The following CDH13 variants were observed in gnomAD, a reference collection of about 807,000 sequenced individuals.
CDH13 encodes cadherin 13.
In CDH13, 24 loss-of-function variants were observed where a neutral mutation model predicts 63.8. The ratio of observed to expected loss-of-function variants is 0.38; its 90% CI spans 0.27 to 0.53. The LOEUF (loss-of-function observed/expected upper bound fraction) is 0.53, where lower values mean the gene tolerates loss of function less well. CDH13 is among the 20% of genes least tolerant of loss of function. The probability of loss-of-function intolerance (pLI) is 0.85; values close to 1 mark genes in which losing one functional copy is unlikely to be tolerated. For synonymous variants in CDH13, 503 were observed against 355.3 expected (o/e 1.42, Z -4.67); for missense variants, 1,049 against 903.1 (o/e 1.16, Z -2.07).
rs1186229907 is a variant in CDH13, at chr16:82,782,968, GA to G, written c.46-75393del. ...CCCAAACAAGAACATAGACTTTGTG[GA>G]GCTTTCCCAGGTGCTGTGAACCCAG... On this transcript the variant is annotated intron_variant, in intron 1 of 13. Transcript: ENST00000567109. Among the ~76,000 whole-genome samples the G allele has an allele frequency of 3.5e-4, 53 of 152,294 alleles. No individual in the cohort carries two copies. The East Asian group carries it at 9.9e-3, about 28-fold the overall frequency.
At chr16:82,960,265 G>A (rs1288718967) in intron 2 of CDH13, among the ~76,000 whole-genome samples, 3 of 152,180 alleles carry the variant, frequency 2.0e-5, no homozygotes, top group Non-Finnish European at 2.9e-5. Flanking sequence ...ATTGACAGTT[G>A]CTGCAGAATT....
intron 6 of CDH13, among the ~76,000 whole-genome samples, chr16:83,422,594 C>T (rs1013671600): frequency 6.6e-6 from 1 of 152,124 alleles, no homozygotes; most frequent in African/African-American, 2.4e-5. Context: ...AATTGCAGTT[C>T]TTGAGGTCTG....
intron 2 of CDH13, among the ~76,000 whole-genome samples, chr16:83,016,026 G>T (rs547310489): frequency 6.6e-6 from 1 of 151,978 alleles, no homozygotes; most frequent in Non-Finnish European, 1.5e-5. Context: ...AGAAATCACA[G>T]AAAAATGAGA....
Position 83,309,534 on chromosome 16 carries a change from G to A in CDH13, c.637-35328G>A, listed in dbSNP as rs553798471. On this transcript the variant is annotated intron_variant, in intron 5 of 13. Transcript: ENST00000567109. ...TGGGATTACAGGCGAGTGCCGCCACGCCCAGCTCATTTTTGTATTTTTAGT... is the reference window on the plus strand; with the variant it reads ...TGGGATTACAGGCGAGTGCCGCCACACCCAGCTCATTTTTGTATTTTTAGT... 3.3e-5 allele frequency among the ~76,000 whole-genome samples: 5 copies of A among 152,280 alleles called. No individual in the cohort carries two copies. The East Asian group carries it at 5.8e-4, about 18-fold the overall frequency.
At chr16:83,104,400 A>G (rs1304133035) in intron 3 of CDH13, among the ~76,000 whole-genome samples, 2 of 152,200 alleles carry the variant, frequency 1.3e-5, no homozygotes, top group African/African-American at 4.8e-5. Context: ...AGGCTCTGTA[A>G]TGCGACAAAA....
intron 6 of CDH13, among the ~76,000 whole-genome samples, chr16:83,478,268 G>A (rs946352907): frequency 3.3e-5 from 5 of 151,882 alleles, no homozygotes; most frequent in East Asian, 1.9e-4. Context: ...GGAGGCACAC[G>A]CTCCAGTTTG....
At chr16:83,393,401 G>A (rs1405849471) in intron 6 of CDH13, among the ~76,000 whole-genome samples, 4 of 152,162 alleles carry the variant, frequency 2.6e-5, no homozygotes, top group African/African-American at 9.7e-5. Context: ...TCAGGAGAGA[G>A]CTAAAATGAT....
intron 4 of CDH13, among the ~76,000 whole-genome samples, chr16:83,191,002 G>A (rs538499784): frequency 6.6e-6 from 1 of 151,588 alleles, no homozygotes; most frequent in African/African-American, 2.4e-5. Flanking sequence ...GTTCTTATTT[G>A]GTTAAACTTT....
intron 3 of CDH13, among the ~76,000 whole-genome samples, chr16:83,046,391 C>G (rs980706839): frequency 8.5e-5 from 13 of 152,152 alleles, no homozygotes; most frequent in African/African-American, 3.1e-4. Context: ...ATTTGGCAAA[C>G]ACTTATTTTT....
At chr16:83,359,842 G>A (rs752760554) in intron 6 of CDH13, among the ~76,000 whole-genome samples, 7 of 151,992 alleles carry the variant, frequency 4.6e-5, no homozygotes, top group South Asian at 2.1e-4. Context: ...TTTGTCATTC[G>A]GTGGTTTTTA....
intron 2 of CDH13, among the ~76,000 whole-genome samples, chr16:83,011,032 CAG>C (rs1914099717): frequency 2.0e-5 from 3 of 152,150 alleles, no homozygotes; most frequent in Admixed American, 6.5e-5. Context: ...ACTCACTGGC[CAG>C]AGTCATGATA....
At chr16:83,783,222 C>T (rs768404633) in intron 12 of CDH13, 32 bp from the exon 13 acceptor site, 131 of 1,475,862 alleles carry the variant, frequency 8.9e-5, no homozygotes, top group Middle Eastern at 3.4e-4. Flanking sequence ...AAGTCTCATC[C>T]ACTCTCACCA....
intron 5 of CDH13, among the ~76,000 whole-genome samples, chr16:83,278,152 C>A (rs1359686589): frequency 6.6e-6 from 1 of 152,166 alleles, no homozygotes; most frequent in African/African-American, 2.4e-5. Flanking sequence ...AGATTTCTGG[C>A]AAATTTGCAG....
At chr16:82,986,600 T>C (rs964907312) in intron 2 of CDH13, among the ~76,000 whole-genome samples, 62 of 152,348 alleles carry the variant, frequency 4.1e-4, no homozygotes, top group South Asian at 1.0e-3. Context: ...AGACTATTGG[T>C]TGAGCTAAGG....
At chr16:83,376,066 T>C (rs1236443737) in intron 6 of CDH13, among the ~76,000 whole-genome samples, 3 of 152,206 alleles carry the variant, frequency 2.0e-5, no homozygotes, top group Non-Finnish European at 4.4e-5. Context: ...GAAGAATCTT[T>C]CTTACTTATT....
intron 11 of CDH13, among the ~76,000 whole-genome samples, chr16:83,768,866 A>C (rs1425016279): frequency 6.6e-6 from 1 of 152,012 alleles, no homozygotes; most frequent in Admixed American, 6.6e-5. Context: ...TTTATCAGCA[A>C]GGTCTTTATA....
intron 7 of CDH13, among the ~76,000 whole-genome samples, chr16:83,549,741 G>A (rs115215522): frequency 0.011 from 1,668 of 152,068 alleles, 39 homozygotes; most frequent in African/African-American, 0.038. Context: ...ATAAGAGAAA[G>A]GCAAAGCAAA....
chr16:83,709,707 A>G (rs1907713261), intron 10 of CDH13, among the ~76,000 whole-genome samples: 1 of 152,256 alleles, frequency 6.6e-6, no homozygotes, highest in Non-Finnish European at 1.5e-5. Flanking sequence ...GGAGAATGAA[A>G]TGAATAATTT....
intron 6 of CDH13, among the ~76,000 whole-genome samples, chr16:83,396,201 G>T (rs1004968117): frequency 6.6e-6 from 1 of 152,124 alleles, no homozygotes; most frequent in Non-Finnish European, 1.5e-5. Flanking sequence ...TCGTTGATGG[G>T]CACTTAGGTT....
Sources: allele counts gnomAD v4.1 joint callset (sites outside exome capture counted in the v4.1 genomes callset), GRCh38; gene constraint gnomAD v4.1.1; transcripts MANE v1.5; gene names NCBI Gene and HGNC (gene_info 2026-07-23, HGNC 2026-07-21).